Variants in OPRM1 observed in about 807,000 individuals in gnomAD.
OPRM1 encodes the protein opioid receptor mu 1.
Under a neutral mutation model 31.8 loss-of-function variants are expected in OPRM1, and 27 were observed. That is an observed-to-expected ratio of 0.85 (90% CI 0.63 to 1.17). OPRM1 has a LOEUF of 1.17. Ranked by LOEUF, OPRM1 falls within the 50% of genes most tolerant of loss-of-function variation. The probability of loss-of-function intolerance (pLI) is 0.00; values close to 1 mark genes in which losing one functional copy is unlikely to be tolerated. For missense variants in OPRM1, 536 were observed against 511.1 expected (o/e 1.05, Z -0.47); for synonymous variants, 196 against 189.9 (o/e 1.03, Z -0.26).
In OPRM1 at chr6:154,100,398, T is replaced by A. The variant is rs536492436; in HGVS notation, c.1164+8926T>A. Among the ~76,000 whole-genome samples, 36 of 151,662 alleles carry A rather than the reference T, an allele frequency of 2.4e-4. 1 individual carries two copies. Among genetic ancestry groups the A allele is most frequent in the African/African-American group, 8.2e-4 (34 of 41,408 alleles). On this transcript the variant is annotated intron_variant, in intron 3 of 3. Transcript: ENST00000330432. ...AATATTAACCCTAACTGGTGTGAGA[T>A]AAGTATGAATTTAAGGTAGTGCTTG...
intron 3 of OPRM1, among the ~76,000 whole-genome samples, chr6:154,205,634 T>G (rs940147871): frequency 2.0e-5 from 3 of 152,130 alleles, no homozygotes; most frequent in Non-Finnish European, 4.4e-5. Flanking sequence ...CACATTAATT[T>G]ATTATGTATT....
intron 3 of OPRM1, among the ~76,000 whole-genome samples, chr6:154,191,488 A>G (rs759676042): frequency 8.5e-5 from 13 of 152,110 alleles, no homozygotes; most frequent in Non-Finnish European, 1.8e-4. Context: ...AACCTGGACA[A>G]CATAGTGAAA....
At chr6:154,245,906 A>C (rs1183942886) in intron 3 of OPRM1, among the ~76,000 whole-genome samples, 1 of 152,256 alleles carries the variant, frequency 6.6e-6, no homozygotes. Context: ...AGCCATTTTC[A>C]AAAGAAAACT....
chr6:154,050,639 TG>T (rs1327278654), intron 1 of OPRM1, among the ~76,000 whole-genome samples: 1 of 151,042 alleles, frequency 6.6e-6, no homozygotes, highest in African/African-American at 2.4e-5. Flanking sequence ...TGGGAGGAGG[TG>T]GGGATTGCTA....
intron 3 of OPRM1, among the ~76,000 whole-genome samples, chr6:154,146,986 C>T (rs1441110924): frequency 6.6e-6 from 1 of 152,188 alleles, no homozygotes; most frequent in Non-Finnish European, 1.5e-5. Flanking sequence ...CTGAAGTCCA[C>T]ATTGCACCAC....
At chr6:154,182,062 A>T (rs905758469) in intron 3 of OPRM1, among the ~76,000 whole-genome samples, 1 of 152,156 alleles carries the variant, frequency 6.6e-6, no homozygotes, top group Non-Finnish European at 1.5e-5. Flanking sequence ...TTAAATTAAA[A>T]TTTTTAAAAA....
rs142673891 is a variant in OPRM1 at position 154,231,001 on chromosome 6, G to A, written c.1165-15692G>A. Among the ~76,000 whole-genome samples the A allele has an allele frequency of 4.6e-5, 7 of 152,196 alleles. No individual in the cohort carries two copies. In the East Asian group the frequency reaches 9.6e-4, roughly 21 times the overall value. On this transcript the variant is annotated intron_variant, in intron 3 of 3. Coordinates refer to the OPRM1 transcript ENST00000337049. ...TACCCAATGACTATCTGAATCAGCC[G>A]AAACTGCAAAAGTCTCCATTTCTCC...
intron 3 of OPRM1, among the ~76,000 whole-genome samples, chr6:154,152,227 AAAG>A (rs1798520776): frequency 6.6e-6 from 1 of 150,524 alleles, no homozygotes. Context: ...AAAGAACGAA[AAAG>A]AAAGAGAAAA....
chr6:154,198,470 T>C (rs1440140583), intron 3 of OPRM1, among the ~76,000 whole-genome samples: 1 of 152,120 alleles, frequency 6.6e-6, no homozygotes, highest in Non-Finnish European at 1.5e-5. Context: ...ATAGTTGGCC[T>C]AAATAAAGGG....
chr6:154,201,434 G>T (rs1777060502), intron 3 of OPRM1, among the ~76,000 whole-genome samples: 1 of 151,918 alleles, frequency 6.6e-6, no homozygotes, highest in South Asian at 2.1e-4. Context: ...ACTCTGTCTT[G>T]TTCCTCCATT....
intron 3 of OPRM1, among the ~76,000 whole-genome samples, chr6:154,211,476 C>T (rs1293527893): frequency 6.6e-6 from 1 of 152,022 alleles, no homozygotes; most frequent in East Asian, 1.9e-4. Context: ...GGATTCCCAT[C>T]TCAGGCACTC....
At position 154,069,497 on chromosome 6, in the gene OPRM1, A is replaced by G. The variant is rs149481160; in HGVS notation, c.291-20329A>G. Among the ~76,000 whole-genome samples the G allele has an allele frequency of 7.6e-3, 1,150 of 152,282 alleles. 13 individuals are homozygous for G. Among genetic ancestry groups the G allele is most frequent in the African/African-American group, 0.025 (1,046 of 41,548 alleles). On this transcript the variant is annotated intron_variant, in intron 1 of 3. Transcript: ENST00000330432. ...CGTGATCTGCCCACCTCGGCCTCCC[A>G]AAGTGCTGGGATTACAGGCATGAGC...
At chr6:154,090,466 T>C (rs1791843252) in intron 2 of OPRM1, among the ~76,000 whole-genome samples, 1 of 152,198 alleles carries the variant, frequency 6.6e-6, no homozygotes, top group African/African-American at 2.4e-5. Context: ...CCAAGAGTAA[T>C]TGGAGCTTAA....
At chr6:154,242,671 G>C (rs148719685) in intron 3 of OPRM1, among the ~76,000 whole-genome samples, 2 of 152,298 alleles carry the variant, frequency 1.3e-5, no homozygotes, top group East Asian at 3.9e-4. Flanking sequence ...TGGATCACTT[G>C]AGGTCAGGAG....
At chr6:154,074,194 T>C (rs1213645532) in intron 1 of OPRM1, 1 of 152,180 alleles carries the variant, frequency 6.6e-6, no homozygotes, top group Non-Finnish European at 1.5e-5. Flanking sequence ...CCAGGGCAAA[T>C]TACTTAACCA....
chr6:154,115,612 C>G (rs1583608261), intron 3 of OPRM1, among the ~76,000 whole-genome samples: 1 of 152,158 alleles, frequency 6.6e-6, no homozygotes, highest in South Asian at 2.1e-4. Context: ...ATTGTTCCCC[C>G]CATCAGGTGT....
chr6:154,231,168 T>G (rs535479193), intron 3 of OPRM1, among the ~76,000 whole-genome samples: 1 of 152,136 alleles, frequency 6.6e-6, no homozygotes, highest in African/African-American at 2.4e-5. Context: ...ACACACAGAC[T>G]CATGACCACT....
chr6:154,145,833 A>G (rs1798345391), intron 3 of OPRM1, among the ~76,000 whole-genome samples: 2 of 152,278 alleles, frequency 1.3e-5, no homozygotes, highest in African/African-American at 4.8e-5. Flanking sequence ...GCCCACATAA[A>G]TACACCAAAC....
At chr6:154,223,025 G>T (rs1778989032) in intron 3 of OPRM1, 3 of 670,408 alleles carry the variant, frequency 4.5e-6, no homozygotes, top group African/African-American at 1.8e-5. Context: ...CTATTTCTAT[G>T]TAGGGTGCCA....
Sources: allele counts gnomAD v4.1 joint callset (sites outside exome capture counted in the v4.1 genomes callset), GRCh38; gene constraint gnomAD v4.1.1; transcripts MANE v1.5; gene names NCBI Gene and HGNC (gene_info 2026-07-23, HGNC 2026-07-21).